Variants in DPP10 observed in about 807,000 individuals in gnomAD.
DPP10 encodes inactive dipeptidyl peptidase 10.
A neutral mutation model predicts 120.9 loss-of-function variants in DPP10; 33 were observed. The ratio of observed to expected loss-of-function variants is 0.27; its 90% CI spans 0.21 to 0.37. The LOEUF (loss-of-function observed/expected upper bound fraction) is 0.37. Among genes scored for constraint, DPP10 ranks in the 10% least tolerant of loss-of-function variants. The probability of loss-of-function intolerance (pLI) is 1.00; values close to 1 mark genes in which losing one functional copy is unlikely to be tolerated. For missense variants in DPP10, 816 were observed against 942.8 expected (o/e 0.87, Z 1.76); for synonymous variants, 337 against 326.1 (o/e 1.03, Z -0.36).
chr2:115,574,290 G>A (rs958909516), intron 5 of DPP10, among the ~76,000 whole-genome samples: 11 of 152,082 alleles, frequency 7.2e-5, no homozygotes, highest in Non-Finnish European at 1.6e-4. Flanking sequence ...TACCAGTCTT[G>A]TTTCTTTATC....
intron 1 of DPP10, among the ~76,000 whole-genome samples, chr2:114,552,627 C>A (rs1275433328): frequency 1.3e-5 from 2 of 152,068 alleles, no homozygotes; most frequent in African/African-American, 4.8e-5. Context: ...ATCACTGCAA[C>A]CTCCGTCTCC....
At chr2:115,203,738 G>A (rs2055912245) in intron 1 of DPP10, among the ~76,000 whole-genome samples, 2 of 151,972 alleles carry the variant, frequency 1.3e-5, no homozygotes, top group Admixed American at 6.6e-5. Flanking sequence ...TCTATGATCT[G>A]CCTCAGCCTC....
chr2:115,040,464 C>T (rs1704552161), intron 1 of DPP10, among the ~76,000 whole-genome samples: 1 of 151,942 alleles, frequency 6.6e-6, no homozygotes, highest in Admixed American at 6.6e-5. Context: ...TAAACAGTCA[C>T]AATTTGGAGC....
At chr2:115,002,413 A>C (rs1444739461) in intron 1 of DPP10, among the ~76,000 whole-genome samples, 1 of 152,174 alleles carries the variant, frequency 6.6e-6, no homozygotes, top group Non-Finnish European at 1.5e-5. Context: ...AAAACTATAA[A>C]ACTTCTGAAA....
At chr2:114,646,193 AATAAAAAG>A (rs1420269544) in intron 1 of DPP10, among the ~76,000 whole-genome samples, 10 of 151,278 alleles carry the variant, frequency 6.6e-5, no homozygotes, top group African/African-American at 2.4e-4. Flanking sequence ...TAAATAAATA[AATAAAAAG>A]GGGGAGAGGG....
At chr2:114,561,050 C>A (rs1179176236) in intron 1 of DPP10, among the ~76,000 whole-genome samples, 1 of 152,178 alleles carries the variant, frequency 6.6e-6, no homozygotes, top group Non-Finnish European at 1.5e-5. Context: ...AGCCACAGCA[C>A]CCCCTTTCTC....
At chr2:114,702,537 T>A (rs781124589) in intron 1 of DPP10, among the ~76,000 whole-genome samples, 4 of 152,082 alleles carry the variant, frequency 2.6e-5, no homozygotes, top group Non-Finnish European at 4.4e-5. Context: ...TTAGCCTTGA[T>A]CTTGAAAGAT....
chr2:115,348,529 G>A (rs1259450002), intron 3 of DPP10, among the ~76,000 whole-genome samples: 1 of 151,830 alleles, frequency 6.6e-6, no homozygotes, highest in Admixed American at 6.6e-5. Flanking sequence ...TTTAGGGAGT[G>A]CATGTGCAGG....
At chr2:114,873,542 T>TGTCG (rs1315739950) in intron 1 of DPP10, among the ~76,000 whole-genome samples, 14 of 152,128 alleles carry the variant, frequency 9.2e-5, no homozygotes, top group Non-Finnish European at 1.8e-4. Context: ...GGTCATATCG[T>TGTCG]GTCGGTGCGT....
intron 19 of DPP10, among the ~76,000 whole-genome samples, chr2:115,804,219 G>T (rs1343799340): frequency 6.6e-6 from 1 of 151,942 alleles, no homozygotes; most frequent in African/African-American, 2.4e-5. Context: ...CCAGTTGATC[G>T]CATCGGTTAC....
rs1700598872 is a variant in DPP10, at chr2:114,989,019, G to T, written c.61-320220G>T. 2.6e-5 allele frequency among the ~76,000 whole-genome samples: 4 copies of T among 152,036 alleles called. No individual in the cohort carries two copies. The South Asian group carries it at 8.3e-4, about 32-fold the overall frequency. ...TTTTATCTAAAATTACTATAGAGTGGTACAAACAACCATATATCATAAACT... is the reference window on the plus strand; with the variant it reads ...TTTTATCTAAAATTACTATAGAGTGTTACAAACAACCATATATCATAAACT... On this transcript the variant is annotated intron_variant, in intron 1 of 25. Coordinates refer to ENST00000410059, the MANE Select transcript of DPP10 (RefSeq NM_020868.6).
chr2:115,821,429 A>G (rs1194164177), intron 21 of DPP10, among the ~76,000 whole-genome samples: 1 of 152,028 alleles, frequency 6.6e-6, no homozygotes, highest in African/African-American at 2.4e-5. Flanking sequence ...ATACATGTTT[A>G]TTATCAGCCT....
intron 1 of DPP10, among the ~76,000 whole-genome samples, chr2:114,751,692 T>A (rs910509645): frequency 3.3e-5 from 5 of 152,214 alleles, no homozygotes; most frequent in African/African-American, 1.2e-4. Flanking sequence ...TGCTTCGGGC[T>A]CCTGGGAGAT....
At chr2:114,497,139 A>G (rs78062760) in intron 1 of DPP10, among the ~76,000 whole-genome samples, 38 of 149,266 alleles carry the variant, frequency 2.5e-4, no homozygotes, top group Admixed American at 8.0e-4. Flanking sequence ...ACATGTAGGT[A>G]TACACGTGTA....
chr2:115,806,222 G>A (rs1048533651), intron 19 of DPP10, among the ~76,000 whole-genome samples: 2 of 152,130 alleles, frequency 1.3e-5, no homozygotes, highest in Non-Finnish European at 2.9e-5. Flanking sequence ...TTTGCCTTGA[G>A]GATATAATTG....
At chr2:114,571,477 G>T (rs1689640771) in intron 1 of DPP10, among the ~76,000 whole-genome samples, 1 of 152,058 alleles carries the variant, frequency 6.6e-6, no homozygotes, top group African/African-American at 2.4e-5. Context: ...AAATCACCCA[G>T]TCTTGCATAT....
At chr2:114,961,448 CGTGTGT>C (rs74265866) in intron 1 of DPP10, among the ~76,000 whole-genome samples, 1 of 150,364 alleles carries the variant, frequency 6.7e-6, no homozygotes, top group East Asian at 2.0e-4. Flanking sequence ...TGTTTGAATG[CGTGTGT>C]GTGTGTGTGT....
intron 1 of DPP10, among the ~76,000 whole-genome samples, chr2:114,532,477 TTACC>T (rs1287202365): frequency 6.6e-6 from 1 of 151,624 alleles, no homozygotes; most frequent in Non-Finnish European, 1.5e-5. Flanking sequence ...ATCTACCCAC[TTACC>T]TACCCACTAC....
chr2:114,794,605 A>G (rs1683536883), intron 1 of DPP10, among the ~76,000 whole-genome samples: 1 of 152,210 alleles, frequency 6.6e-6, no homozygotes, highest in African/African-American at 2.4e-5. Flanking sequence ...ATTAACAGGC[A>G]AAGTGTGTCT....
Sources: gnomAD v4.1 joint callset for allele counts (sites outside exome capture counted in the v4.1 genomes callset) on GRCh38, gnomAD v4.1.1 for gene constraint, MANE v1.5 for transcripts, NCBI Gene and HGNC (gene_info 2026-07-23, HGNC 2026-07-21) for gene names.